Variants in GRIK2 observed in about 807,000 individuals in gnomAD.
GRIK2 encodes glutamate receptor ionotropic, kainate 2.
In GRIK2, 32 loss-of-function variants were observed where a neutral mutation model predicts 100.3. The ratio of observed to expected loss-of-function variants is 0.32; its 90% CI spans 0.24 to 0.43. GRIK2 has a LOEUF of 0.43. GRIK2 is among the 20% of genes least tolerant of loss of function. The pLI is 1.00. For missense variants in GRIK2, 843 were observed against 1,114.9 expected (o/e 0.76, Z 3.47); for synonymous variants, 417 against 389.4 (o/e 1.07, Z -0.83).
chr6:101,743,368 A>C (rs1776168834), intron 7 of GRIK2, among the ~76,000 whole-genome samples: 1 of 152,250 alleles, frequency 6.6e-6, no homozygotes, highest in African/African-American at 2.4e-5. Flanking sequence ...AAAGCAAGCC[A>C]GATGGGTTAA....
At chr6:101,651,736 T>C (rs941196007) in intron 4 of GRIK2, among the ~76,000 whole-genome samples, 7 of 152,094 alleles carry the variant, frequency 4.6e-5, no homozygotes, top group African/African-American at 1.7e-4. Flanking sequence ...TTGGATATGT[T>C]AAGTTTTGGG....
chr6:101,766,159 C>T (rs1400346516), intron 7 of GRIK2, among the ~76,000 whole-genome samples: 1 of 151,846 alleles, frequency 6.6e-6, no homozygotes, highest in African/African-American at 2.4e-5. Flanking sequence ...AACATATTTG[C>T]CTGATATATT....
intron 7 of GRIK2, among the ~76,000 whole-genome samples, chr6:101,764,122 C>T (rs1326564638): frequency 6.6e-6 from 1 of 152,144 alleles, no homozygotes; most frequent in East Asian, 1.9e-4. Flanking sequence ...CTTCCTTCAT[C>T]ACTTATATGT....
intron 2 of GRIK2, among the ~76,000 whole-genome samples, chr6:101,551,839 G>A (rs986410948): frequency 2.6e-5 from 4 of 152,094 alleles, no homozygotes; most frequent in Non-Finnish European, 5.9e-5. Flanking sequence ...ATAGTGCAAA[G>A]TTTTAGTATA....
intron 10 of GRIK2, among the ~76,000 whole-genome samples, chr6:101,841,917 C>A (rs769909287): frequency 4.3e-4 from 66 of 151,980 alleles, no homozygotes; most frequent in African/African-American, 1.5e-3. Flanking sequence ...GTAAGGTCTG[C>A]GAGTTGAATG....
chr6:101,809,670 T>C (rs1781210647), intron 9 of GRIK2, among the ~76,000 whole-genome samples: 1 of 152,072 alleles, frequency 6.6e-6, no homozygotes, highest in Non-Finnish European at 1.5e-5. Flanking sequence ...TTAATGGTGA[T>C]GTTAACTCGT....
At chr6:101,815,109 C>T (rs776165371) in intron 9 of GRIK2, among the ~76,000 whole-genome samples, 7 of 152,016 alleles carry the variant, frequency 4.6e-5, no homozygotes, top group East Asian at 1.9e-4. Flanking sequence ...CAGTCAAATA[C>T]GCTGTCCATA....
chr6:101,778,953 A>T (rs1254237244), intron 7 of GRIK2, among the ~76,000 whole-genome samples: 1 of 152,122 alleles, frequency 6.6e-6, no homozygotes, highest in East Asian at 1.9e-4. Flanking sequence ...ATCTAAGCAC[A>T]TATAAATATT....
intron 7 of GRIK2, among the ~76,000 whole-genome samples, chr6:101,739,785 G>T (rs1775906158): frequency 6.6e-6 from 1 of 152,020 alleles, no homozygotes; most frequent in South Asian, 2.1e-4. Flanking sequence ...GTGCTATCCT[G>T]GTAAATCTCC....
intron 7 of GRIK2, among the ~76,000 whole-genome samples, chr6:101,687,164 C>G (rs144736896): frequency 6.6e-6 from 1 of 151,898 alleles, no homozygotes; most frequent in Admixed American, 6.6e-5. Context: ...TGACATCATG[C>G]ATATTAATTC....
intron 7 of GRIK2, among the ~76,000 whole-genome samples, chr6:101,752,080 T>A (rs1254353159): frequency 5.9e-5 from 9 of 152,216 alleles, no homozygotes; most frequent in Non-Finnish European, 5.9e-5. Flanking sequence ...TTATTTTCCT[T>A]TATTTACCAC....
At chr6:101,583,927 A>G (rs1262092637) in intron 2 of GRIK2, among the ~76,000 whole-genome samples, 1 of 152,096 alleles carries the variant, frequency 6.6e-6, no homozygotes, top group African/African-American at 2.4e-5. Flanking sequence ...TGTGAACAAA[A>G]GCTTTTTTAA....
At chr6:102,067,575 C>G (rs12198351) in intron 16 of GRIK2, among the ~76,000 whole-genome samples, 12,066 of 151,690 alleles carry the variant, frequency 0.08, 625 homozygotes, top group Middle Eastern at 0.17. Flanking sequence ...CAATAAGCCC[C>G]AGATAAACAG....
chr6:101,785,638 T>G (rs1779374855), intron 7 of GRIK2, among the ~76,000 whole-genome samples: 1 of 152,032 alleles, frequency 6.6e-6, no homozygotes. Flanking sequence ...AATATATGGA[T>G]TTATTTCTGG....
intron 15 of GRIK2, among the ~76,000 whole-genome samples, chr6:102,044,681 G>A (rs1042015208): frequency 1.3e-5 from 2 of 151,996 alleles, no homozygotes; most frequent in African/African-American, 2.4e-5. Flanking sequence ...AATTCAAAAT[G>A]AGATTTGGGT....
chr6:101,780,329 G>T (rs1779010793), intron 7 of GRIK2, among the ~76,000 whole-genome samples: 1 of 152,076 alleles, frequency 6.6e-6, no homozygotes, highest in African/African-American at 2.4e-5. Context: ...GGGAGGCAGG[G>T]ATTATAATTG....
chr6:101,796,145 G>C (rs949732163), intron 7 of GRIK2, among the ~76,000 whole-genome samples: 1 of 152,144 alleles, frequency 6.6e-6, no homozygotes, highest in Non-Finnish European at 1.5e-5. Flanking sequence ...CCAGCTCTAC[G>C]TCTATATGCT....
At chr6:101,429,559 A>T (rs1417722509) in intron 2 of GRIK2, among the ~76,000 whole-genome samples, 1 of 152,190 alleles carries the variant, frequency 6.6e-6, no homozygotes. Context: ...TAGATAATTA[A>T]CATCTTTTCT....
At chr6:101,999,258 G>A (rs1386506451) in intron 14 of GRIK2, among the ~76,000 whole-genome samples, 1 of 151,976 alleles carries the variant, frequency 6.6e-6, no homozygotes, top group Non-Finnish European at 1.5e-5. Context: ...GAGTCAGCAA[G>A]CCAAATTCTA....
Sources: allele counts gnomAD v4.1 joint callset (sites outside exome capture counted in the v4.1 genomes callset), GRCh38; gene constraint gnomAD v4.1.1; transcripts MANE v1.5; gene names NCBI Gene and HGNC (gene_info 2026-07-23, HGNC 2026-07-21).